TSC22D3: variants seen among roughly 807,000 people sequenced by gnomAD.
TSC22D3 encodes the protein TSC22 domain family member 3.
TSC22D3 carries 4 observed loss-of-function variants against 11.1 expected under a neutral mutation model. The ratio of observed to expected loss-of-function variants is 0.36; its 90% confidence interval spans 0.18 to 0.83. The LOEUF (loss-of-function observed/expected upper bound fraction) is 0.83, where lower values mean the gene tolerates loss of function less well. TSC22D3 is among the 40% of genes least tolerant of loss of function. The pLI is 0.48. For synonymous variants in TSC22D3, 77 were observed against 70.3 expected (o/e 1.10, Z -0.48); for missense variants, 118 against 159.4 (o/e 0.74, Z 1.40).
In TSC22D3 at chrX:107,743,021, C is replaced by G. The variant is rs190352228; in HGVS notation, c.321-27071G>C. On this transcript the variant is annotated intron_variant, in intron 1 of 2. Coordinates refer to ENST00000372383, the MANE Select transcript of TSC22D3 (RefSeq NM_198057.3). ...GGGCCCTGTGGCCGGGTGGGAAACA[C>G]GAGCAGAAGCGACAGAACTTCCCCC... Among the ~76,000 whole-genome samples, 919 of 111,789 alleles carry G rather than the reference C, an allele frequency of 8.2e-3. 7 individuals carry two copies. The highest frequency in any genetic ancestry group is 0.013 in the Non-Finnish European group (676 of 52,932).
At chrX:107,716,287 C>G (rs952379173) in intron 1 of TSC22D3, 32 of 926,507 alleles carry the variant, frequency 3.5e-5, no homozygotes, top group Non-Finnish European at 4.0e-5. Context: ...CCCCCACAGC[C>G]GGCCTACAAG....
intron 1 of TSC22D3, among the ~76,000 whole-genome samples, chrX:107,767,807 G>A (rs1929735390): frequency 8.9e-6 from 1 of 112,114 alleles, no homozygotes; most frequent in African/African-American, 3.2e-5. Flanking sequence ...CTACAGCAAT[G>A]CCCTAACCCT....
chrX:107,761,694 C>T, intron 1 of TSC22D3, among the ~76,000 whole-genome samples: 1 of 111,676 alleles, frequency 9.0e-6, no homozygotes, highest in Middle Eastern at 4.6e-3. Flanking sequence ...CCATTATGAC[C>T]TTTGGAGAGT....
intron 1 of TSC22D3, among the ~76,000 whole-genome samples, chrX:107,736,849 C>T (rs1602383333): frequency 9.0e-6 from 1 of 111,219 alleles, no homozygotes; most frequent in South Asian, 3.8e-4. Context: ...CATCCCACCC[C>T]GGGAAGCCCA....
chrX:107,730,598 G>A (rs145582073), intron 1 of TSC22D3, among the ~76,000 whole-genome samples: 2 of 111,904 alleles, frequency 1.8e-5, no homozygotes, highest in Non-Finnish European at 3.8e-5. Context: ...GCAGCTGCTT[G>A]ACCATTCTCA....
chrX:107,722,595 G>C (rs756007866), intron 1 of TSC22D3, among the ~76,000 whole-genome samples: 3 of 111,824 alleles, frequency 2.7e-5, no homozygotes, highest in Non-Finnish European at 5.6e-5. Context: ...TTAGCTCAGT[G>C]GATCTTAAAT....
At chrX:107,737,084 C>T (rs902383878) in intron 1 of TSC22D3, among the ~76,000 whole-genome samples, 1 of 111,644 alleles carries the variant, frequency 9.0e-6, no homozygotes, top group African/African-American at 3.3e-5. Flanking sequence ...CCTCCTGGGC[C>T]GGTCTCTCTC....
At chrX:107,737,423 C>T (rs888225626) in intron 1 of TSC22D3, among the ~76,000 whole-genome samples, 1 of 111,783 alleles carries the variant, frequency 8.9e-6, no homozygotes, top group East Asian at 2.8e-4. Context: ...GCCAATTAGA[C>T]ACCACCATGG....
chrX:107,751,696 G>A lies in TSC22D3; in HGVS notation c.320+23404C>T, dbSNP rs776211073. 3.4e-4 allele frequency among the ~76,000 whole-genome samples: 38 copies of A among 112,422 alleles called. No individual in the cohort carries two copies. The South Asian group carries it at 7.0e-3, about 21-fold the overall frequency. ...TAGGCCTAGGTAGAATTCAGCTACT[G>A]CTCTGCAGGCTAAACTGGGGACTTC... On this transcript the variant is annotated intron_variant, in intron 1 of 2. Coordinates refer to ENST00000372383, the MANE Select transcript of TSC22D3 (RefSeq NM_198057.3).
At chrX:107,725,062 G>A (rs1927553159) in intron 1 of TSC22D3, among the ~76,000 whole-genome samples, 2 of 111,435 alleles carry the variant, frequency 1.8e-5, no homozygotes, top group Admixed American at 1.9e-4. Context: ...CCACTACTGT[G>A]GTCCTTACAA....
chrX:107,754,930 T>C (rs1305026198), intron 1 of TSC22D3, among the ~76,000 whole-genome samples: 2 of 111,851 alleles, frequency 1.8e-5, no homozygotes, highest in Non-Finnish European at 3.8e-5. Context: ...ACACCAGGCC[T>C]AAATGGGTTA....
intron 1 of TSC22D3, among the ~76,000 whole-genome samples, chrX:107,735,002 C>G (rs1928065868): frequency 9.2e-6 from 1 of 109,083 alleles, no homozygotes; most frequent in Non-Finnish European, 1.9e-5. Flanking sequence ...CCAGTTGACT[C>G]TAGGACCCAC....
intron 1 of TSC22D3, among the ~76,000 whole-genome samples, chrX:107,758,382 C>G (rs760166935): frequency 8.9e-6 from 1 of 111,884 alleles, no homozygotes; most frequent in South Asian, 3.8e-4. Context: ...GAGACTCTCA[C>G]CATGTAATCC....
At chrX:107,753,822 C>T (rs181572521) in intron 1 of TSC22D3, among the ~76,000 whole-genome samples, 1 of 111,714 alleles carries the variant, frequency 9.0e-6, no homozygotes, top group Admixed American at 9.5e-5. Context: ...TTTCTGTATA[C>T]TCCAGGGGTG....
At chrX:107,741,763 G>A (rs1204835882) in intron 1 of TSC22D3, among the ~76,000 whole-genome samples, 1 of 111,857 alleles carries the variant, frequency 8.9e-6, no homozygotes, top group Non-Finnish European at 1.9e-5. Flanking sequence ...AGCATCAAGG[G>A]TACTCTCTGT....
intron 1 of TSC22D3, chrX:107,722,170 G>T (rs184280268): frequency 4.0e-6 from 1 of 252,067 alleles, no homozygotes; most frequent in African/African-American, 2.8e-5. Context: ...ATGGGGAGGA[G>T]AATGCAGATG....
At chrX:107,767,278 C>T (rs943935120) in intron 1 of TSC22D3, among the ~76,000 whole-genome samples, 1 of 111,495 alleles carries the variant, frequency 9.0e-6, no homozygotes, top group East Asian at 2.8e-4. Context: ...GGCAGGGGCC[C>T]GATTTCTGGC....
chrX:107,773,516 A>G (rs1480870029), intron 1 of TSC22D3, among the ~76,000 whole-genome samples: 9 of 112,255 alleles, frequency 8.0e-5, no homozygotes, highest in Admixed American at 1.9e-4. Flanking sequence ...GGCTGAATAC[A>G]CTTGTAGTAA....
At chrX:107,730,520 C>T (rs1007775695) in intron 1 of TSC22D3, among the ~76,000 whole-genome samples, 2 of 111,354 alleles carry the variant, frequency 1.8e-5, no homozygotes, top group Non-Finnish European at 3.8e-5. Context: ...AAGAGTAAGC[C>T]CCCCCGGAAT....
Sources: gnomAD v4.1 joint callset for allele counts (sites outside exome capture counted in the v4.1 genomes callset) on GRCh38, gnomAD v4.1.1 for gene constraint, MANE v1.5 for transcripts, NCBI Gene and HGNC (gene_info 2026-07-23, HGNC 2026-07-21) for gene names.